SBNO1: variants seen among roughly 807,000 people sequenced by gnomAD.
The protein encoded by SBNO1 is protein strawberry notch homolog 1.
A neutral mutation model predicts 173.6 loss-of-function variants in SBNO1; 23 were observed. The observed-to-expected ratio is 0.13, with a 90% CI of 0.10 to 0.19. The LOEUF is 0.19. Ranked by LOEUF, SBNO1 falls within the 10% of genes least tolerant of loss-of-function variation. The pLI, the probability that SBNO1 is intolerant of heterozygous loss-of-function variation, is 1.00. For missense variants in SBNO1, 1,238 were observed against 1,671.2 expected, an observed-to-expected ratio of 0.74 and a Z score of 4.52; for synonymous variants, 632 against 571.5, an observed-to-expected ratio of 1.11 and a Z score of -1.51.
chr12:123,318,000 C>T (rs1869491797), intron 20 of SBNO1, among the ~76,000 whole-genome samples: 1 of 152,172 alleles, frequency 6.6e-6, no homozygotes, highest in African/African-American at 2.4e-5. Context: ...CTCACTCTGT[C>T]ACACAAGCTG....
intron 30 of SBNO1, among the ~76,000 whole-genome samples, chr12:123,299,452 C>T (rs992438723): frequency 6.6e-6 from 1 of 151,876 alleles, no homozygotes; most frequent in Non-Finnish European, 1.5e-5. Flanking sequence ...GAGGCCGAAG[C>T]AGGCAGATCA....
Position 123,321,580 on chromosome 12 carries a change from C to T in SBNO1, c.2278G>A (p.Asp760Asn), listed in dbSNP as rs1475388843. ...GACTCATCTAAAAATGGGTTGAAAT[C>T]GTCATCATCTCCAGAACTCATGTTT... The part of the protein sequence containing the change: ...SKNMSSGDDD[D>N]FNPFLDESNE... Residue 760 changes from aspartate (D) to asparagine (N), a missense_variant, in exon 17 of 32, where the codon GAT becomes AAT. Coordinates refer to ENST00000602398, the MANE Select transcript of SBNO1 (RefSeq NM_001167856.3). The T allele has an allele frequency of 1.2e-6, 2 of 1,613,810 alleles. No homozygotes were observed. The highest frequency in any genetic ancestry group is 1.7e-5 in the Admixed American group (1 of 59,976).
Position 123,326,138 on chromosome 12 carries a change from GTTC to G in SBNO1, c.1875+11_1875+13del, listed in dbSNP as rs371590105. The G allele has an allele frequency of 2.7e-4, 432 of 1,578,880 alleles. 3 individuals are homozygous for G. In the African/African-American group the frequency reaches 5.2e-3, roughly 19 times the overall value. The stretch of plus-strand genomic sequence containing the variant: ...TAACCCCCAAACAATCTCTTAATGA[GTTC>G]TTCTACTTACTTTTCCATTCTTGAT... On this transcript the variant is annotated intron_variant, in intron 14 of 31. Transcript: ENST00000602398.
At position 123,320,574 on chromosome 12, in the gene SBNO1, A is replaced by G; in HGVS notation, c.2525T>C (p.Ile842Thr). 6.2e-7 allele frequency: 1 copy of G among 1,614,048 alleles called. No individual in the cohort carries two copies. The highest frequency in any genetic ancestry group is 8.5e-7 in the Non-Finnish European group (1 of 1,179,946). The change falls in exon 19 of 32, where the codon ATA (isoleucine) becomes ACA (threonine). Residue 842 changes from isoleucine to threonine, a missense_variant. This residue lies in a region of SBNO1 where 74 missense variants were observed against 68.5 expected (regional missense o/e 1.08). Coordinates refer to ENST00000602398, the MANE Select transcript of SBNO1 (RefSeq NM_001167856.3). ...CCTTTCCACAGCATCCTGACTTGTT[A>G]TAAGGCTACTGTTACTGTTGGTGTT... Reference protein sequence around the residue: ...NSNTNSNSSLITSQDAVERAQ... With the variant: ...NSNTNSNSSLTTSQDAVERAQ...
intron 6 of SBNO1, among the ~76,000 whole-genome samples, chr12:123,334,514 C>T (rs1405816897): frequency 6.6e-6 from 1 of 152,152 alleles, no homozygotes; most frequent in Admixed American, 6.5e-5. Context: ...TCAAGACCAG[C>T]CTGGCCAACA....
intron 15 of SBNO1, among the ~76,000 whole-genome samples, chr12:123,324,616 T>C (rs1393644074): frequency 4.0e-5 from 6 of 151,864 alleles, no homozygotes; most frequent in Admixed American, 3.3e-4. Context: ...GCCCCATGTA[T>C]TGCTTTTGAA....
chr12:123,317,616 T>C (rs545240308), intron 20 of SBNO1, among the ~76,000 whole-genome samples: 4 of 152,258 alleles, frequency 2.6e-5, no homozygotes, highest in East Asian at 3.9e-4. Context: ...TCCTCTCTGT[T>C]AGGTAAAATG....
Position 123,317,215 on chromosome 12 carries a change from A to G in SBNO1, c.2935+6T>C. ...ATTAAGTGAAATCCAGTTTGTAGGAACTTACCGAACTGTTGAATTGCTCTA... is the reference window on the plus strand; with the variant it reads ...ATTAAGTGAAATCCAGTTTGTAGGAGCTTACCGAACTGTTGAATTGCTCTA... On this transcript the variant is annotated splice_donor_region_variant and intron_variant, in intron 21 of 31. Transcript: ENST00000602398. 1.2e-6 allele frequency: 2 copies of G among 1,613,792 alleles called. No individual in the cohort carries two copies. Among genetic ancestry groups the G allele is most frequent in the Non-Finnish European group, 1.7e-6 (2 of 1,179,824 alleles).
intron 5 of SBNO1, among the ~76,000 whole-genome samples, chr12:123,340,612 C>A (rs576280884): frequency 2.1e-4 from 30 of 142,474 alleles, no homozygotes; most frequent in Admixed American, 1.3e-3. Flanking sequence ...AAAAGAATCA[C>A]TCATAACCAG....
chr12:123,354,785 T>G (rs187522476), intron 1 of SBNO1, among the ~76,000 whole-genome samples: 1 of 152,322 alleles, frequency 6.6e-6, no homozygotes, highest in East Asian at 1.9e-4. Context: ...AAGGAATTCA[T>G]AGACCTCAGA....
At chr12:123,351,679 G>A (rs1205256241) in intron 1 of SBNO1, among the ~76,000 whole-genome samples, 1 of 152,074 alleles carries the variant, frequency 6.6e-6, no homozygotes. Flanking sequence ...AAACTAAGAG[G>A]GAGCAGAAGA....
chr12:123,317,098 G>A (rs1326913379), intron 21 of SBNO1, 123 bp downstream of exon 21: 26 of 1,016,364 alleles, frequency 2.6e-5, no homozygotes, highest in East Asian at 1.4e-4. Flanking sequence ...GTGGCCTCCC[G>A]AAATGTTGGA....
rs1460593241 is a variant in SBNO1, at chr12:123,292,007, G to A, written c.*3901C>T. The A allele has an allele frequency of 4.8e-5, 7 of 146,592 alleles. No homozygotes were observed. Among genetic ancestry groups the A allele is most frequent in the Non-Finnish European group, 1.0e-4 (7 of 67,176 alleles). 9.1% of individuals were successfully genotyped at this position (146,592 alleles called of 1,614,324 possible). A position where few individuals can be genotyped will look rare whatever the true frequency, so the allele number is the denominator to read the frequency against. On this transcript the variant is annotated 3_prime_UTR_variant, in exon 32 of 32. Transcript: ENST00000602398. ...ACACTGCATTTGTATCAGACAACTG[G>A]CATTCAATGAGACATTTTTTTTTTT... is the stretch of plus-strand genomic sequence containing the variant.
chr12:123,319,975 C>T lies in SBNO1; in HGVS notation c.2724G>A (p.Glu908=). The T allele has an allele frequency of 6.2e-7, 1 of 1,613,890 alleles. No individual in the cohort carries two copies. The highest frequency in any genetic ancestry group is 1.3e-5 in the African/African-American group (1 of 75,026). ...VSNDDGSISY[E]SRSELDVPVE... is the part of the protein sequence containing the mutation. The stretch of plus-strand genomic sequence containing the variant: ...CAGGCACATCAAGTTCAGATCTTGA[C>T]TCATAAGATATGCTTCCATCATCAT... The change falls in exon 20 of 32, where the codon GAG becomes GAA. Residue 908 remains glutamate, a synonymous_variant. Transcript: ENST00000602398.
At chr12:123,326,969 C>T (rs2138989341) in intron 13 of SBNO1, among the ~76,000 whole-genome samples, 1 of 152,194 alleles carries the variant, frequency 6.6e-6, no homozygotes, top group Middle Eastern at 3.4e-3. Context: ...GTTAAACAGC[C>T]TATCATCTGG....
At chr12:123,297,505 G>A (rs992179784) in intron 31 of SBNO1, among the ~76,000 whole-genome samples, 2 of 147,958 alleles carry the variant, frequency 1.4e-5, no homozygotes, top group Non-Finnish European at 3.0e-5. Flanking sequence ...ACCAAGATAA[G>A]CAAACAGAGT....
Position 123,293,359 on chromosome 12 carries a change from CG to C in SBNO1, c.*2548del, listed in dbSNP as rs2048539398. On this transcript the variant is annotated 3_prime_UTR_variant, in exon 32 of 32. Transcript: ENST00000602398. ...GATTATAGGAGTGAGCCACCACGCC[CG>C]GCTACGAGTTGGGTTTTAACAGAAG... The C allele has an allele frequency of 6.6e-6, 1 of 152,128 alleles. No homozygotes were observed. Among genetic ancestry groups the C allele is most frequent in the Non-Finnish European group, 1.5e-5 (1 of 68,036 alleles). The allele number at this position is 152,128 out of a possible 1,614,324, so 9.4% of individuals were successfully genotyped here.
intron 28 of SBNO1, among the ~76,000 whole-genome samples, chr12:123,305,577 G>A (rs1479192674): frequency 6.6e-6 from 1 of 152,026 alleles, no homozygotes; most frequent in Non-Finnish European, 1.5e-5. Flanking sequence ...GGTTCAAGGC[G>A]ATTCTCCTGC....
chr12:123,325,675 T>C (rs965160429), intron 14 of SBNO1, 76 bp from the exon 15 acceptor site: 1 of 958,468 alleles, frequency 1.0e-6, no homozygotes, highest in Non-Finnish European at 1.6e-6. Flanking sequence ...TTTAAACATT[T>C]AGCTAAACAA....
Sources: gnomAD v4.1 joint callset for allele counts (sites outside exome capture counted in the v4.1 genomes callset) on GRCh38, gnomAD v4.1.1 for gene constraint, gnomAD v4.1.1 regional missense constraint, MANE v1.5 for transcripts, NCBI Gene and HGNC (gene_info 2026-07-23, HGNC 2026-07-21) for gene names.